ALPK3: variants seen among roughly 807,000 people sequenced by gnomAD.
ALPK3 encodes the protein alpha kinase 3.
A neutral mutation model predicts 140.0 loss-of-function variants in ALPK3; 102 were observed. The observed-to-expected ratio is 0.73, with a 90% CI of 0.62 to 0.86. ALPK3 has a LOEUF of 0.86. Among genes scored for constraint, ALPK3 ranks in the 40% least tolerant of loss-of-function variants. The pLI is 0.00. For missense variants in ALPK3, 2,254 were observed against 2,208.2 expected (o/e 1.02, Z -0.42); for synonymous variants, 938 against 898.5 (o/e 1.04, Z -0.79).
chr15:84,832,488 AC>A (rs761679146), intron 3 of ALPK3, among the ~76,000 whole-genome samples: 8 of 151,882 alleles, frequency 5.3e-5, no homozygotes, highest in Non-Finnish European at 1.2e-4. Context: ...CTAGAAGCCT[AC>A]TCTTTTTCTG....
At chr15:84,830,064 A>AT (rs1274831994) in intron 3 of ALPK3, among the ~76,000 whole-genome samples, 2 of 151,626 alleles carry the variant, frequency 1.3e-5, no homozygotes, top group Non-Finnish European at 2.9e-5. Context: ...CTATGCTTGT[A>AT]TTTTTTCTTT....
At position 84,862,739 on chromosome 15, in the gene ALPK3, C is replaced by A; in HGVS notation, c.4234C>A (p.Arg1412=). The A allele has an allele frequency of 6.2e-7, 1 of 1,614,070 alleles. No homozygotes were observed. The highest frequency in any genetic ancestry group is 1.6e-4 in the Middle Eastern group (1 of 6,062). Reference sequence around the variant, plus strand: ...TGGGCGACTGGTAAGCGAGGAGCTCCGAGGGGGTGGATATGGGTGTGGCCT... The same window carrying A: ...TGGGCGACTGGTAAGCGAGGAGCTCAGAGGGGGTGGATATGGGTGTGGCCT... ...LFGRLVSEEL[R]GGGYGCGLRK... Residue 1412 remains arginine, a synonymous_variant, in exon 10 of 14, where the codon CGA becomes AGA. Transcript: ENST00000258888.
At chr15:84,862,530 A>G in intron 9 of ALPK3, 105 bp from the exon 10 acceptor site, 1 of 1,378,642 alleles carries the variant, frequency 7.3e-7, no homozygotes. Flanking sequence ...TGAGCCCAGC[A>G]GGTTGGCAGG....
At chr15:84,844,150 C>T (rs1963701089) in intron 5 of ALPK3, among the ~76,000 whole-genome samples, 1 of 152,110 alleles carries the variant, frequency 6.6e-6, no homozygotes, top group Admixed American at 6.5e-5. Flanking sequence ...ATTGCTTGAA[C>T]CTGGGAGGCG....
At chr15:84,826,777 T>G (rs1963493292) in intron 2 of ALPK3, among the ~76,000 whole-genome samples, 1 of 152,138 alleles carries the variant, frequency 6.6e-6, no homozygotes. Context: ...CAACCATGTT[T>G]CACTTCAGCA....
At position 84,857,770 on chromosome 15, in the gene ALPK3, C is replaced by T. The variant is rs374420068; in HGVS notation, c.3032C>T (p.Ser1011Leu). 94 of 1,612,898 alleles carry T rather than the reference C, an allele frequency of 5.8e-5. No individual in the cohort carries two copies. Among genetic ancestry groups the T allele is most frequent in the Non-Finnish European group, 7.3e-5 (86 of 1,179,238 alleles). Residue 1011 changes from serine to leucine, a missense_variant, in exon 6 of 14, where the codon TCG becomes TTG. Transcript: ENST00000258888. The stretch of plus-strand genomic sequence containing the variant: ...GTGGCTGGGCTTAGTCCCCGGACAT[C>T]GAGGCGCATCCTGGAGCGTGTGGAG... ...VEVAGLSPRT[S>L]RRILERVENN...
In ALPK3 at chr15:84,859,317, T is replaced by C. The variant is rs200756406; in HGVS notation, c.3892T>C (p.Phe1298Leu). Residue 1298 changes from phenylalanine to leucine, a missense_variant, in exon 7 of 14, where the codon TTT (phenylalanine) becomes CTT (leucine). By Grantham distance (22) the Phe-to-Leu change is conservative (BLOSUM62 0). Transcript: ENST00000258888. ...CGGTAGCCTGAAGCTGTGGTGCCAG[T>C]TTTTCAACATTCTTAGTGACTCAGT... ...ASGSLKLWCQFFNILSDSVLT... is the reference protein window; with the variant it reads ...ASGSLKLWCQLFNILSDSVLT... 25 of 1,613,906 alleles carry C rather than the reference T, an allele frequency of 1.5e-5. No individual in the cohort carries two copies. Among genetic ancestry groups the C allele is most frequent in the Non-Finnish European group, 2.0e-5 (24 of 1,180,010 alleles).
intron 5 of ALPK3, among the ~76,000 whole-genome samples, chr15:84,845,898 A>C (rs968797751): frequency 6.6e-6 from 1 of 152,182 alleles, no homozygotes; most frequent in Non-Finnish European, 1.5e-5. Flanking sequence ...TTCTCTACTA[A>C]AAATAGAAAA....
chr15:84,863,562 T>TC lies in ALPK3; in HGVS notation c.4423dup (p.Gln1475ProfsTer26). On this transcript the variant is annotated frameshift_variant, in exon 11 of 14. Coordinates refer to ENST00000258888, the MANE Select transcript of ALPK3 (RefSeq NM_020778.5). LOFTEE classifies it high-confidence loss of function. ...TTCCCTCATCCACAGGGGTGCAAGA[T>TC]CCAGAACATGAGTCGGGAGTACTGC... 1 of 1,613,956 alleles carries TC rather than the reference T, an allele frequency of 6.2e-7. No homozygotes were observed. The highest frequency in any genetic ancestry group is 8.5e-7 in the Non-Finnish European group (1 of 1,179,916).
intron 5 of ALPK3, among the ~76,000 whole-genome samples, chr15:84,845,934 C>G (rs977117388): frequency 6.6e-6 from 1 of 152,140 alleles, no homozygotes; most frequent in African/African-American, 2.4e-5. Context: ...GTGGCACATG[C>G]CTGTAGTCCC....
intron 3 of ALPK3, 119 bp downstream of exon 3, chr15:84,827,724 C>T (rs1229303386): frequency 2.2e-6 from 3 of 1,372,664 alleles, no homozygotes; most frequent in African/African-American, 2.9e-5. Context: ...CGTGAGGTGA[C>T]ATTTACTTTC....
In ALPK3 at chr15:84,840,157, T is replaced by C; in HGVS notation, c.878T>C (p.Leu293Pro). ...ENGEDGEHGL[L>P]TYICDAMELG... ...GGAGAGGACGGAGAGCATGGCTTGC[T>C]GACATACATCTGTGACGCCATGGAG... The change falls in exon 5 of 14, where the codon CTG (leucine) becomes CCG (proline). Residue 293 changes from leucine (L) to proline (P), a missense_variant. Coordinates refer to ENST00000258888, the MANE Select transcript of ALPK3 (RefSeq NM_020778.5). 6.2e-7 allele frequency: 1 copy of C among 1,613,098 alleles called. No individual in the cohort carries two copies. The highest frequency in any genetic ancestry group is 1.1e-5 in the South Asian group (1 of 91,042).
chr15:84,864,760 A>G, intron 12 of ALPK3, 95 bp downstream of exon 12: 1 of 1,277,080 alleles, frequency 7.8e-7, no homozygotes, highest in East Asian at 2.4e-5. Context: ...TCGTTTACAA[A>G]GCACCTTTGT....
In ALPK3 at chr15:84,856,749, C is replaced by T. The variant is rs1213635406; in HGVS notation, c.2011C>T (p.Leu671=). The part of the protein sequence containing the change: ...MMTQGRAETQ[L]ETTQAGEKIQ... ...GACACAGGGAAGGGCAGAGACACAG[C>T]TAGAAACAACACAGGCAGGTGAGAA... The change falls in exon 6 of 14, where the codon CTA becomes TTA. Residue 671 remains leucine, a synonymous_variant. Transcript: ENST00000258888. The T allele has an allele frequency of 1.2e-6, 2 of 1,614,022 alleles. No individual in the cohort carries two copies. Among genetic ancestry groups the T allele is most frequent in the Admixed American group, 3.3e-5 (2 of 59,998 alleles).
intron 5 of ALPK3, among the ~76,000 whole-genome samples, chr15:84,845,492 A>AGCCCT (rs1963719643): frequency 6.6e-6 from 1 of 152,100 alleles, no homozygotes; most frequent in East Asian, 1.9e-4. Context: ...GAAGACTGAA[A>AGCCCT]AAGGGGGCCC....
chr15:84,825,573 T>A (rs747072143), intron 2 of ALPK3, among the ~76,000 whole-genome samples: 1 of 152,230 alleles, frequency 6.6e-6, no homozygotes, highest in Non-Finnish European at 1.5e-5. Flanking sequence ...ATGATTTCCT[T>A]AGACTTGTCC....
intron 6 of ALPK3, 126 bp downstream of exon 6, chr15:84,858,681 T>C (rs1480287965): frequency 1.5e-6 from 2 of 1,367,428 alleles, no homozygotes; most frequent in Non-Finnish European, 1.9e-6. Context: ...ATAAATTACC[T>C]TGGTAAAGGT....
intron 3 of ALPK3, among the ~76,000 whole-genome samples, chr15:84,836,724 C>T (rs1392347195): frequency 2.0e-5 from 3 of 152,202 alleles, no homozygotes; most frequent in East Asian, 3.8e-4. Flanking sequence ...TCAGAAATAA[C>T]GTCCAGGGTA....
rs74024748 is a variant in ALPK3, at chr15:84,830,459, G to A, written c.304+2854G>A. The stretch of plus-strand genomic sequence containing the variant: ...GAGGGCATAGTGATGGCAAGGTCTG[G>A]ACCTTGCTCTCCCTTGAGTCCCTCT... On this transcript the variant is annotated intron_variant, in intron 3 of 13. Transcript: ENST00000258888. 6.5e-3 allele frequency among the ~76,000 whole-genome samples: 991 copies of A among 152,324 alleles called. 8 individuals are homozygous for A. The highest frequency in any genetic ancestry group is 0.023 in the African/African-American group (941 of 41,548).
Sources: allele counts gnomAD v4.1 joint callset (sites outside exome capture counted in the v4.1 genomes callset), GRCh38; gene constraint gnomAD v4.1.1; transcripts MANE v1.5; gene names NCBI Gene and HGNC (gene_info 2026-07-23, HGNC 2026-07-21).